CFAP161: variants seen among roughly 807,000 people sequenced by gnomAD.
CFAP161 encodes cilia and flagella associated protein 161.
In CFAP161, 25 loss-of-function variants were observed where a neutral mutation model predicts 29.0. The observed-to-expected ratio is 0.86, with a 90% CI of 0.63 to 1.20. The LOEUF (loss-of-function observed/expected upper bound fraction) is 1.20. Among genes scored for constraint, CFAP161 ranks in the 50% most tolerant of loss-of-function variants. The pLI, the probability that CFAP161 is intolerant of heterozygous loss-of-function variation, is 0.00. For synonymous variants in CFAP161, 116 were observed against 137.4 expected (o/e 0.84, Z 1.09); for missense variants, 367 against 371.9 (o/e 0.99, Z 0.11).
chr15:81,116,833 T>G (rs1894505122), intron 1 of CFAP161, among the ~76,000 whole-genome samples: 1 of 152,180 alleles, frequency 6.6e-6, no homozygotes, highest in African/African-American at 2.4e-5. Flanking sequence ...AGCCAAATAT[T>G]AGAGAAAATT....
intron 1 of CFAP161, among the ~76,000 whole-genome samples, chr15:81,105,163 TCCTTCCTC>T (rs1238705000): frequency 3.0e-5 from 1 of 33,140 alleles, no homozygotes; most frequent in Non-Finnish European, 4.9e-5. Flanking sequence ...CTCCCTCCCT[TCCTTCCTC>T]CCTCCCTTCC....
chr15:81,116,112 C>T (rs1227286566), intron 1 of CFAP161, among the ~76,000 whole-genome samples: 2 of 152,042 alleles, frequency 1.3e-5, no homozygotes, highest in Non-Finnish European at 2.9e-5. Context: ...ACAGTACAGA[C>T]GTTTTCTTAT....
In CFAP161 at chr15:81,135,456, C is replaced by T. The variant is rs184159621; in HGVS notation, c.159+97C>T. The T allele has an allele frequency of 2.5e-4, 175 of 703,624 alleles. 1 individual carries two copies. In the East Asian group the frequency reaches 4.9e-3, roughly 20 times the overall value. 43.6% of individuals were successfully genotyped at this position (703,624 alleles called of 1,614,324 possible). ...TGTATACATATGCTATGTTGGTGTG[C>T]TGCACCCATTAACTCGTCATTTAAC... is the stretch of plus-strand genomic sequence containing the variant. On this transcript the variant is annotated intron_variant, in intron 2 of 6. Coordinates refer to ENST00000286732, the MANE Select transcript of CFAP161 (RefSeq NM_173528.4).
rs1318464187 is a variant in CFAP161 at position 81,148,776 on chromosome 15, TAAAC to T, written c.*247_*250del. The stretch of plus-strand genomic sequence containing the variant: ...GTGACAAACAATAGCCTTTTGTTGA[TAAAC>T]AAATTCTGAAGAACTCAGCTTCCTC... On this transcript the variant is annotated 3_prime_UTR_variant, in exon 7 of 7. Transcript: ENST00000286732. 1.7e-5 allele frequency: 6 copies of T among 358,510 alleles called. No homozygotes were observed. Among genetic ancestry groups the T allele is most frequent in the Non-Finnish European group, 3.0e-5 (6 of 200,238 alleles). The allele number at this position is 358,510 out of a possible 1,614,324, so 22.2% of individuals were successfully genotyped here.
At chr15:81,124,271 G>A (rs562011465) in intron 1 of CFAP161, among the ~76,000 whole-genome samples, 40 of 152,124 alleles carry the variant, frequency 2.6e-4, no homozygotes, top group African/African-American at 7.5e-4. Flanking sequence ...TGAGATAATC[G>A]TGTGGTTTTT....
chr15:81,135,232 A>G (rs367583533), intron 1 of CFAP161, 38 bp from the exon 2 acceptor site: 6 of 1,423,054 alleles, frequency 4.2e-6, no homozygotes, highest in South Asian at 1.3e-5. Flanking sequence ...ACTAACATCT[A>G]TATTATTCAG....
intron 1 of CFAP161, among the ~76,000 whole-genome samples, chr15:81,114,147 C>T (rs1317059): frequency 2.6e-5 from 4 of 152,104 alleles, no homozygotes; most frequent in Non-Finnish European, 4.4e-5. Flanking sequence ...CTACAACATA[C>T]AGGCATACCT....
chr15:81,143,968 CTT>C lies in CFAP161; in HGVS notation c.636+149_636+150del, dbSNP rs901693570. On this transcript the variant is annotated intron_variant, in intron 5 of 6. Transcript: ENST00000286732. Reference sequence around the variant, plus strand: ...TTTTTTTCCATTTATAACACACAGACTTATAGCTCAAATGCCTTATGACTTTC... The same window carrying C: ...TTTTTTTCCATTTATAACACACAGACATAGCTCAAATGCCTTATGACTTTC... The C allele has an allele frequency of 1.2e-5, 10 of 862,424 alleles. No individual in the cohort carries two copies. In the African/African-American group the frequency reaches 1.5e-4, roughly 13 times the overall value. The allele number at this position is 862,424 out of a possible 1,614,324, so 53.4% of individuals were successfully genotyped here.
At chr15:81,133,227 A>ATATATATATT (rs1567156509), upstream of CFAP161, among the ~76,000 whole-genome samples, 1 of 50,406 alleles carries the variant, frequency 2.0e-5, no homozygotes, top group Admixed American at 2.1e-4. Flanking sequence ...ATATATATGT[A>ATATATATATT]TTTTTTTTTA....
At chr15:81,138,265 T>C in intron 4 of CFAP161, 130 bp downstream of exon 4, 2 of 718,936 alleles carry the variant, frequency 2.8e-6, no homozygotes, top group Non-Finnish European at 4.7e-6. Flanking sequence ...CACTATGGTG[T>C]CAGCTTGCAG....
intron 1 of CFAP161, among the ~76,000 whole-genome samples, chr15:81,123,531 G>T (rs576673345): frequency 1.3e-5 from 2 of 152,116 alleles, no homozygotes; most frequent in African/African-American, 4.8e-5. Context: ...GCTCTTTTTT[G>T]GTTTCATATG....
upstream of CFAP161, among the ~76,000 whole-genome samples, chr15:81,132,190 T>C (rs998619500): frequency 2.6e-5 from 4 of 152,190 alleles, no homozygotes; most frequent in African/African-American, 7.2e-5. Context: ...GGCATGAGAA[T>C]TGCTTGAACC....
chr15:81,103,148 T>G (rs905506108), intron 1 of CFAP161, among the ~76,000 whole-genome samples: 1 of 152,196 alleles, frequency 6.6e-6, no homozygotes. Flanking sequence ...TCACGTCAAA[T>G]TTATATGTAT....
intron 1 of CFAP161, among the ~76,000 whole-genome samples, chr15:81,124,319 G>A (rs778908729): frequency 6.6e-6 from 1 of 152,172 alleles, no homozygotes. Context: ...CACACTTATT[G>A]ATTTGCATAT....
At chr15:81,108,618 T>C (rs527556822) in intron 1 of CFAP161, among the ~76,000 whole-genome samples, 25 of 152,206 alleles carry the variant, frequency 1.6e-4, no homozygotes, top group South Asian at 4.1e-4. Flanking sequence ...CTTAGGGCCC[T>C]CTGGTGGGGC....
intron 1 of CFAP161, among the ~76,000 whole-genome samples, chr15:81,122,236 C>A (rs905431291): frequency 6.6e-6 from 1 of 152,066 alleles, no homozygotes; most frequent in East Asian, 1.9e-4. Context: ...CCCAGTAATG[C>A]GATTGCTGGG....
In CFAP161 at chr15:81,148,449, C is replaced by G; in HGVS notation, c.822C>G (p.Ala274=). 6.2e-7 allele frequency: 1 copy of G among 1,614,192 alleles called. No homozygotes were observed. The highest frequency in any genetic ancestry group is 1.1e-5 in the South Asian group (1 of 91,082). Residue 274 remains alanine (A), a synonymous_variant, in exon 7 of 7, where the codon GCC becomes GCG. Transcript: ENST00000286732. ...TGGTTACTGGGAATCCCAGGGATGC[C>G]TCGTCCTCCATGTTGGATCTGCCCA... ...WMLVTGNPRD[A]SSSMLDLPKP...
At chr15:81,131,155 A>G (rs953582498), upstream of CFAP161, among the ~76,000 whole-genome samples, 26 of 142,756 alleles carry the variant, frequency 1.8e-4, 1 homozygote, top group Middle Eastern at 0.022. Flanking sequence ...AAAAAAAAAA[A>G]GAATCAATAT....
intron 4 of CFAP161, among the ~76,000 whole-genome samples, chr15:81,138,785 C>G (rs1407277406): frequency 6.6e-6 from 1 of 152,136 alleles, no homozygotes; most frequent in Non-Finnish European, 1.5e-5. Context: ...CATATTTCAA[C>G]TCTCCTAATC....
Sources: gnomAD v4.1 joint callset for allele counts (sites outside exome capture counted in the v4.1 genomes callset) on GRCh38, gnomAD v4.1.1 for gene constraint, MANE v1.5 for transcripts, NCBI Gene and HGNC (gene_info 2026-07-23, HGNC 2026-07-21) for gene names.